The following PDE4D variants were observed in gnomAD, a reference collection of about 807,000 sequenced individuals.
PDE4D encodes the protein 3',5'-cyclic-AMP phosphodiesterase 4D.
PDE4D carries 24 observed loss-of-function variants against 87.4 expected under a neutral mutation model. The observed-to-expected ratio is 0.27, with a 90% CI of 0.20 to 0.39. The LOEUF (loss-of-function observed/expected upper bound fraction) is 0.39. Ranked by LOEUF, PDE4D falls within the 10% of genes least tolerant of loss-of-function variation. The probability of loss-of-function intolerance (pLI) is 1.00; values close to 1 mark genes in which losing one functional copy is unlikely to be tolerated. For synonymous variants in PDE4D, 384 were observed against 383.2 expected, an observed-to-expected ratio of 1.00 and a Z score of -0.02; for missense variants, 714 against 1,041.0, an observed-to-expected ratio of 0.69 and a Z score of 4.32.
At chr5:60,066,197 A>AT (rs1459578612) in intron 2 of PDE4D, among the ~76,000 whole-genome samples, 1 of 151,930 alleles carries the variant, frequency 6.6e-6, no homozygotes, top group Non-Finnish European at 1.5e-5. Context: ...GATGATGAGC[A>AT]TTTTTTCATG....
At chr5:60,085,136 A>G (rs1774396203) in intron 2 of PDE4D, among the ~76,000 whole-genome samples, 2 of 152,182 alleles carry the variant, frequency 1.3e-5, no homozygotes, top group Admixed American at 6.5e-5. Context: ...TTTGTCCTGT[A>G]TTTTTAAAGG....
intron 10 of PDE4D, 85 bp from the exon 11 acceptor site, chr5:58,988,677 TTAAA>T (rs1312462153): frequency 1.2e-5 from 7 of 567,862 alleles, no homozygotes; most frequent in African/African-American, 3.8e-5. Context: ...TCTCTAGAAT[TTAAA>T]TGGAAAACAA....
chr5:59,751,574 G>GGTGTGTGTGTGTGTGT lies in PDE4D; in HGVS notation c.455+141578_455+141593dup, dbSNP rs57407769. Among the ~76,000 whole-genome samples, 1,396 of 142,664 alleles carry GGTGTGTGTGTGTGTGT rather than the reference G, an allele frequency of 9.8e-3. 28 individuals carry two copies. The highest frequency in any genetic ancestry group is 0.029 in the African/African-American group (1,082 of 37,770). The allele number at this position is 142,664 out of a possible 152,430, so 93.6% of individuals were successfully genotyped here. A position where few individuals can be genotyped will look rare whatever the true frequency, so the allele number is the denominator to read the frequency against. ...GTTTCTTTTATACATATAAATCCCT[G>GGTGTGTGTGTGTGTGT]GTGTGTGTGTGTGTGTGTGTGTGTG... On this transcript the variant is annotated intron_variant, in intron 1 of 14. Transcript: ENST00000340635.
rs369801526 is a variant in PDE4D at position 59,950,329 on chromosome 5, G to C, written c.272+38159C>G. On this transcript the variant is annotated intron_variant, in intron 3 of 16. Coordinates refer to the PDE4D transcript ENST00000502484. ...GGGAAGGCCAGATAAAAGTAAAAGA[G>C]GGAACTCATACTTGTTATCATTATA... 6.6e-5 allele frequency among the ~76,000 whole-genome samples: 10 copies of C among 152,042 alleles called. No individual in the cohort carries two copies. In the East Asian group the frequency reaches 1.4e-3, roughly 21 times the overall value.
At chr5:59,708,579 T>C (rs1187540289) in intron 1 of PDE4D, among the ~76,000 whole-genome samples, 1 of 152,160 alleles carries the variant, frequency 6.6e-6, no homozygotes, top group Non-Finnish European at 1.5e-5. Flanking sequence ...TAACAAAAGC[T>C]TGCCAGTCAA....
intron 1 of PDE4D, among the ~76,000 whole-genome samples, chr5:60,465,455 G>A (rs1305506735): frequency 1.3e-5 from 2 of 152,160 alleles, no homozygotes; most frequent in Non-Finnish European, 2.9e-5. Context: ...TTGGAAGGAT[G>A]TGCATGGTGA....
At chr5:60,248,608 A>G (rs1748059817) in intron 1 of PDE4D, among the ~76,000 whole-genome samples, 1 of 152,046 alleles carries the variant, frequency 6.6e-6, no homozygotes, top group Non-Finnish European at 1.5e-5. Context: ...TAGCAAAGGA[A>G]ATAGGACAGA....
At chr5:59,489,265 A>G (rs1428548629) in intron 1 of PDE4D, among the ~76,000 whole-genome samples, 1 of 86,846 alleles carries the variant, frequency 1.2e-5, no homozygotes, top group African/African-American at 3.8e-5. Flanking sequence ...CTCCATCTCA[A>G]AAAAAAAAAA....
chr5:60,064,717 C>A (rs1447052589), intron 2 of PDE4D, among the ~76,000 whole-genome samples: 2 of 152,122 alleles, frequency 1.3e-5, no homozygotes, highest in Non-Finnish European at 2.9e-5. Flanking sequence ...TATTATTTCT[C>A]CATCTCCTCT....
chr5:59,715,362 T>G (rs948601801), intron 1 of PDE4D, among the ~76,000 whole-genome samples: 8 of 152,202 alleles, frequency 5.3e-5, no homozygotes, highest in East Asian at 3.9e-4. Flanking sequence ...CCCTACATGC[T>G]GAGCCTTCAC....
intron 2 of PDE4D, among the ~76,000 whole-genome samples, chr5:60,001,092 T>G (rs1763973911): frequency 6.6e-6 from 1 of 152,138 alleles, no homozygotes; most frequent in African/African-American, 2.4e-5. Context: ...CAGCAGTGAC[T>G]TAGTTCCAAG....
chr5:59,367,391 AT>A (rs1783235912), intron 1 of PDE4D, among the ~76,000 whole-genome samples: 1 of 152,166 alleles, frequency 6.6e-6, no homozygotes, highest in South Asian at 2.1e-4. Flanking sequence ...TTTAAATTTT[AT>A]TTTCCATAAT....
chr5:59,695,325 T>C (rs1751600592), intron 1 of PDE4D, among the ~76,000 whole-genome samples: 1 of 152,160 alleles, frequency 6.6e-6, no homozygotes, highest in Non-Finnish European at 1.5e-5. Context: ...CACAGTATAT[T>C]ACAATTGCTT....
intron 5 of PDE4D, among the ~76,000 whole-genome samples, chr5:59,063,684 T>C (rs1004198631): frequency 6.6e-6 from 1 of 152,168 alleles, no homozygotes; most frequent in African/African-American, 2.4e-5. Context: ...ACCCATAAGT[T>C]GACCAAAGCA....
At chr5:59,335,795 C>T (rs1777552387) in intron 1 of PDE4D, among the ~76,000 whole-genome samples, 1 of 152,178 alleles carries the variant, frequency 6.6e-6, no homozygotes, top group African/African-American at 2.4e-5. Flanking sequence ...AACTAACAAT[C>T]AGGGGCATTG....
At chr5:59,521,482 A>T (rs1280070405) in intron 1 of PDE4D, among the ~76,000 whole-genome samples, 1 of 152,156 alleles carries the variant, frequency 6.6e-6, no homozygotes, top group Non-Finnish European at 1.5e-5. Context: ...GGTCATCCTC[A>T]TCTCTTGCCT....
intron 2 of PDE4D, among the ~76,000 whole-genome samples, chr5:60,105,507 G>A (rs980035428): frequency 3.3e-5 from 5 of 152,088 alleles, no homozygotes; most frequent in African/African-American, 1.2e-4. Flanking sequence ...AGGAAACACA[G>A]AGAACGCCAC....
rs146012074 is a variant in PDE4D at position 59,579,654 on chromosome 5, G to A, written c.455+313514C>T. On this transcript the variant is annotated intron_variant, in intron 1 of 14. Coordinates refer to ENST00000340635, the MANE Select transcript of PDE4D (RefSeq NM_001104631.2). Reference sequence around the variant, plus strand: ...GGCCAGAGATAGGCAGTTTGAACAGGGCTCAACAATGCCCCGCAGAGATGG... The same window carrying A: ...GGCCAGAGATAGGCAGTTTGAACAGAGCTCAACAATGCCCCGCAGAGATGG... Among the ~76,000 whole-genome samples, 893 of 152,266 alleles carry A rather than the reference G, an allele frequency of 5.9e-3. 9 individuals carry two copies. Among genetic ancestry groups the A allele is most frequent in the East Asian group, 0.042 (219 of 5,178 alleles).
chr5:60,425,274 C>T (rs1292130449), intron 1 of PDE4D, among the ~76,000 whole-genome samples: 1 of 152,198 alleles, frequency 6.6e-6, no homozygotes, highest in African/African-American at 2.4e-5. Flanking sequence ...CGCTACCTGA[C>T]TTCAAACTAT....
Sources: gnomAD v4.1 joint callset for allele counts (sites outside exome capture counted in the v4.1 genomes callset) on GRCh38, gnomAD v4.1.1 for gene constraint, MANE v1.5 for transcripts, NCBI Gene and HGNC (gene_info 2026-07-23, HGNC 2026-07-21) for gene names.